The following MAPK1IP1L variants were observed in gnomAD, a reference collection of about 807,000 sequenced individuals.
The protein encoded by MAPK1IP1L is mitogen-activated protein kinase 1 interacting protein 1 like.
MAPK1IP1L carries 10 observed loss-of-function variants against 18.1 expected under a neutral mutation model. The observed-to-expected ratio is 0.55, with a 90% confidence interval of 0.34 to 0.94. The LOEUF (loss-of-function observed/expected upper bound fraction) is 0.94. Among genes scored for constraint, MAPK1IP1L ranks in the 40% least tolerant of loss-of-function variants. The probability of loss-of-function intolerance (pLI) is 0.02; values close to 1 mark genes in which losing one functional copy is unlikely to be tolerated. For synonymous variants in MAPK1IP1L, 115 were observed against 117.3 expected (o/e 0.98, Z 0.13); for missense variants, 260 against 318.2 (o/e 0.82, Z 1.39).
At chr14:55,056,733 T>A (rs532749646) in intron 1 of MAPK1IP1L, among the ~76,000 whole-genome samples, 1 of 152,140 alleles carries the variant, frequency 6.6e-6, no homozygotes, top group South Asian at 2.1e-4. Context: ...ATGGTCTCAA[T>A]CTCCTGACTT....
rs2042826250 is a variant in MAPK1IP1L at position 55,062,600 on chromosome 14, A to G, written c.19-18A>G. The G allele has an allele frequency of 6.3e-7, 1 of 1,590,718 alleles. No homozygotes were observed. Among genetic ancestry groups the G allele is most frequent in the East Asian group, 2.2e-5 (1 of 44,636 alleles). On this transcript the variant is annotated intron_variant, in intron 2 of 3. Transcript: ENST00000395468. ...ACTTTTCCCTAGATAGGAAAGACGT[A>G]TCTGTTTTGTGTTCCAGTTGGCAGA...
At chr14:55,052,758 C>A (rs1037949094) in intron 1 of MAPK1IP1L, among the ~76,000 whole-genome samples, 1 of 152,184 alleles carries the variant, frequency 6.6e-6, no homozygotes, top group Non-Finnish European at 1.5e-5. Context: ...TTCATGCTGG[C>A]ATCTCTGAGC....
rs1594629247 is a variant in MAPK1IP1L at position 55,067,750 on chromosome 14, G to C, written c.*3123G>C. On this transcript the variant is annotated 3_prime_UTR_variant, in exon 4 of 4. Transcript: ENST00000395468. ...CAATGTTGCTTTCAAAACAAGACAT[G>C]CTAGGCTGAAACTGATTTATGGAAA... 6.6e-6 allele frequency: 1 copy of C among 152,248 alleles called. No homozygotes were observed. Among genetic ancestry groups the C allele is most frequent in the Admixed American group, 6.5e-5 (1 of 15,294 alleles). The allele number at this position is 152,248 out of a possible 1,614,324, so 9.4% of individuals were successfully genotyped here.
chr14:55,062,286 AGGATTCAAATCC>A (rs2042823910), intron 2 of MAPK1IP1L, among the ~76,000 whole-genome samples: 1 of 152,218 alleles, frequency 6.6e-6, no homozygotes, highest in South Asian at 2.1e-4. Flanking sequence ...AGGTTAAGCC[AGGATTCAAATCC>A]ATATCTTGAC....
At position 55,055,828 on chromosome 14, in the gene MAPK1IP1L, G is replaced by A. The variant is rs1165168238; in HGVS notation, c.-5+4025G>A. Among the ~76,000 whole-genome samples, 4 of 152,098 alleles carry A rather than the reference G, an allele frequency of 2.6e-5. No homozygotes were observed. In the South Asian group the frequency reaches 8.3e-4, roughly 32 times the overall value. On this transcript the variant is annotated intron_variant, in intron 1 of 3. Transcript: ENST00000395468. The stretch of plus-strand genomic sequence containing the variant: ...GCCTATAATCCCAGCTACTTGAGAG[G>A]CTCAGGTAGGAGAATCACTTAAACC...
chr14:55,053,703 C>T (rs762038422), intron 1 of MAPK1IP1L, among the ~76,000 whole-genome samples: 10 of 152,154 alleles, frequency 6.6e-5, no homozygotes, highest in Non-Finnish European at 1.3e-4. Flanking sequence ...GAGATTCTCC[C>T]AGTTTTTACA....
intron 1 of MAPK1IP1L, among the ~76,000 whole-genome samples, chr14:55,056,765 T>C (rs2042775359): frequency 6.6e-6 from 1 of 152,312 alleles, no homozygotes; most frequent in East Asian, 1.9e-4. Context: ...CTCCTCGGCC[T>C]CCCAAAGTGC....
At position 55,065,723 on chromosome 14, in the gene MAPK1IP1L, T is replaced by C. The variant is rs1355054874; in HGVS notation, c.*1096T>C. On this transcript the variant is annotated 3_prime_UTR_variant, in exon 4 of 4. Transcript: ENST00000395468. ...CTTTGTACAAGTGTGAATCAAAATA[T>C]GTATCTCTTTTTCAGAGTCTGGTTA... 6.6e-6 allele frequency: 1 copy of C among 152,224 alleles called. No individual in the cohort carries two copies. Among genetic ancestry groups the C allele is most frequent in the Admixed American group, 6.5e-5 (1 of 15,284 alleles). 9.4% of individuals were successfully genotyped at this position (152,224 alleles called of 1,614,324 possible).
At position 55,063,250 on chromosome 14, in the gene MAPK1IP1L, C is replaced by T. The variant is rs1453850599; in HGVS notation, c.651C>T (p.Leu217=). 1 of 1,614,224 alleles carries T rather than the reference C, an allele frequency of 6.2e-7. No homozygotes were observed. The highest frequency in any genetic ancestry group is 8.5e-7 in the Non-Finnish European group (1 of 1,180,040). The change falls in exon 3 of 4, where the codon CTC becomes CTT. Residue 217 remains leucine, a synonymous_variant. Coordinates refer to ENST00000395468, the MANE Select transcript of MAPK1IP1L (RefSeq NM_144578.4). ...APTGSYPTPG[L]YPTPSNPFQV... ...CAGGATCGTATCCCACACCAGGACTCTATCCTACTCCCAGTAATCCTTTCC... is the reference window on the plus strand; with the variant it reads ...CAGGATCGTATCCCACACCAGGACTTTATCCTACTCCCAGTAATCCTTTCC...
intron 1 of MAPK1IP1L, among the ~76,000 whole-genome samples, chr14:55,059,851 AGAT>A: frequency 6.6e-6 from 1 of 152,156 alleles, no homozygotes; most frequent in African/African-American, 2.4e-5. Flanking sequence ...AATATTGGAT[AGAT>A]GCTAGTTATA....
chr14:55,062,103 CTGT>C (rs2042822249), intron 2 of MAPK1IP1L, among the ~76,000 whole-genome samples: 3 of 152,292 alleles, frequency 2.0e-5, no homozygotes. Context: ...GATGTTACTT[CTGT>C]TGTTCTCTTT....
At chr14:55,061,646 T>C in intron 1 of MAPK1IP1L, 34 bp from the exon 2 acceptor site, 1 of 1,486,838 alleles carries the variant, frequency 6.7e-7, no homozygotes, top group South Asian at 1.2e-5. Flanking sequence ...TTTTGAAATT[T>C]TTCTTTCTTC....
intron 1 of MAPK1IP1L, among the ~76,000 whole-genome samples, chr14:55,060,055 A>G (rs1390452675): frequency 6.6e-6 from 1 of 152,010 alleles, no homozygotes; most frequent in Non-Finnish European, 1.5e-5. Context: ...AGCCACGTAT[A>G]GGAAAACATT....
At chr14:55,061,811 CATG>C in intron 2 of MAPK1IP1L, 110 bp downstream of exon 2, 1 of 878,310 alleles carries the variant, frequency 1.1e-6, no homozygotes, top group Non-Finnish European at 1.7e-6. Flanking sequence ...TTTAACCAGG[CATG>C]GTGGTGTGCA....
chr14:55,063,477 G>A (rs1594627030), intron 3 of MAPK1IP1L, 152 bp downstream of exon 3: 2 of 673,960 alleles, frequency 3.0e-6, no homozygotes, highest in Non-Finnish European at 4.8e-6. Context: ...AAACCTTCAG[G>A]TAAAGCATTT....
chr14:55,053,356 T>G (rs1029364171), intron 1 of MAPK1IP1L, among the ~76,000 whole-genome samples: 5 of 152,240 alleles, frequency 3.3e-5, no homozygotes, highest in Non-Finnish European at 5.9e-5. Flanking sequence ...CTTTAACGTT[T>G]ACTTTTTTAC....
At chr14:55,063,525 TA>T (rs1272079604) in intron 3 of MAPK1IP1L, among the ~76,000 whole-genome samples, 200 bp downstream of exon 3, 4 of 151,968 alleles carry the variant, frequency 2.6e-5, no homozygotes, top group African/African-American at 9.7e-5. Flanking sequence ...TTCCTTGTGC[TA>T]AAAAGAAGAA....
At chr14:55,061,926 A>G (rs1340618614) in intron 2 of MAPK1IP1L, among the ~76,000 whole-genome samples, 2 of 152,214 alleles carry the variant, frequency 1.3e-5, no homozygotes, top group African/African-American at 2.4e-5. Flanking sequence ...TGACAGAGTG[A>G]GACTCTGTCT....
At position 55,062,935 on chromosome 14, in the gene MAPK1IP1L, C is replaced by A; in HGVS notation, c.336C>A (p.Pro112=). The A allele has an allele frequency of 6.2e-7, 1 of 1,614,076 alleles. No homozygotes were observed. Residue 112 remains proline (P), a synonymous_variant, in exon 3 of 4, where the codon CCC becomes CCA. Transcript: ENST00000395468. ...CCCCAACTGTGCCGGGCCCTGGCCC[C>A]ACAGGGCCATATCCTACACCAAATA... The part of the protein sequence containing the change: ...YPAPTVPGPG[P]TGPYPTPNMP...
Sources: allele counts gnomAD v4.1 joint callset (sites outside exome capture counted in the v4.1 genomes callset), GRCh38; gene constraint gnomAD v4.1.1; transcripts MANE v1.5; gene names NCBI Gene and HGNC (gene_info 2026-07-23, HGNC 2026-07-21).